Variants in ARHGEF26 observed in about 807,000 individuals in gnomAD.
ARHGEF26 encodes the protein Rho guanine nucleotide exchange factor 26.
In ARHGEF26, 59 loss-of-function variants were observed where a neutral mutation model predicts 89.4. That is an observed-to-expected ratio of 0.66 (90% confidence interval 0.54 to 0.82). ARHGEF26 has a LOEUF of 0.82. ARHGEF26 is among the 40% of genes least tolerant of loss of function. ARHGEF26 has a pLI of 0.00. For missense variants in ARHGEF26, 1,234 were observed against 1,085.6 expected, an observed-to-expected ratio of 1.14 and a Z score of -1.92; for synonymous variants, 500 against 428.4, an observed-to-expected ratio of 1.17 and a Z score of -2.06.
intron 11 of ARHGEF26, among the ~76,000 whole-genome samples, chr3:154,236,551 C>T (rs1717138121): frequency 6.6e-6 from 1 of 152,174 alleles, no homozygotes; most frequent in South Asian, 2.1e-4. Flanking sequence ...CTATATAAAC[C>T]ATATGTTTGT....
chr3:154,217,959 GTATTC>G lies in ARHGEF26; in HGVS notation c.1935+3_1935+7del. On this transcript the variant is annotated splice_donor_variant and splice_donor_5th_base_variant and intron_variant, in intron 10 of 14. Transcript: ENST00000465093. LOFTEE classifies it high-confidence loss of function. The stretch of plus-strand genomic sequence containing the variant: ...CTCCCAGCTGGAATTTAAAATTAAG[GTATTC>G]TCGTACCTTGTTCATTACTGTTCTT... 6.3e-7 allele frequency: 1 copy of G among 1,576,372 alleles called. No individual in the cohort carries two copies. The highest frequency in any genetic ancestry group is 8.6e-7 in the Non-Finnish European group (1 of 1,159,442).
At chr3:154,168,319 A>G (rs192337836) in intron 6 of ARHGEF26, among the ~76,000 whole-genome samples, 222 of 152,236 alleles carry the variant, frequency 1.5e-3, no homozygotes, top group Non-Finnish European at 2.2e-3. Flanking sequence ...GCTCACGTCT[A>G]TAATCCCAGC....
At chr3:154,240,737 G>A (rs1358262392) in intron 12 of ARHGEF26, among the ~76,000 whole-genome samples, 158 bp downstream of exon 12, 1 of 152,168 alleles carries the variant, frequency 6.6e-6, no homozygotes, top group Non-Finnish European at 1.5e-5. Context: ...TTTTACAGAT[G>A]TTGTTCTTTT....
In ARHGEF26 at chr3:154,122,196, G is replaced by T; in HGVS notation, c.204G>T (p.Val68=). The T allele has an allele frequency of 6.2e-7, 1 of 1,602,304 alleles. No individual in the cohort carries two copies. The highest frequency in any genetic ancestry group is 8.5e-7 in the Non-Finnish European group (1 of 1,174,764). Reference sequence around the variant, plus strand: ...TCGCAGCGCAGATTCCCGCCCAGGTGCCCACCGCCTCGGACAGCAGGACGG... The same window carrying T: ...TCGCAGCGCAGATTCCCGCCCAGGTTCCCACCGCCTCGGACAGCAGGACGG... ...TLLAAQIPAQ[V]PTASDSRTVH... Residue 68 remains valine (V), a synonymous_variant, in exon 2 of 15, where the codon GTG becomes GTT. Transcript: ENST00000465093.
chr3:154,240,540 C>A lies in ARHGEF26; in HGVS notation c.2261C>A (p.Ala754Glu). Residue 754 changes from alanine (A) to glutamate (E), a missense_variant, in exon 12 of 15, where the codon GCG becomes GAG. Ala to Glu is a moderately radical substitution (Grantham distance 107). Coordinates refer to ENST00000465093, the MANE Select transcript of ARHGEF26 (RefSeq NM_015595.4). ...ACTCTGACAGTCCTTAGTAACCACG[C>A]GAATGAGAAAGTGGAGATGCTACTA... ...LFTLTVLSNH[A>E]NEKVEMLLGA... is the part of the protein sequence containing the mutation. 6.2e-7 allele frequency: 1 copy of A among 1,612,564 alleles called. No homozygotes were observed. Among genetic ancestry groups the A allele is most frequent in the Non-Finnish European group, 8.5e-7 (1 of 1,179,234 alleles).
intron 11 of ARHGEF26, among the ~76,000 whole-genome samples, chr3:154,231,515 C>G (rs1716821049): frequency 6.6e-6 from 1 of 152,168 alleles, no homozygotes; most frequent in Non-Finnish European, 1.5e-5. Context: ...ACATAAAGCT[C>G]TTACTACAGT....
intron 9 of ARHGEF26, among the ~76,000 whole-genome samples, chr3:154,202,115 T>C (rs1191639306): frequency 6.6e-6 from 1 of 152,202 alleles, no homozygotes; most frequent in Non-Finnish European, 1.5e-5. Flanking sequence ...CTAGGTTTTC[T>C]TCTAGAGTTT....
At chr3:154,188,041 T>C (rs1031764630) in intron 7 of ARHGEF26, among the ~76,000 whole-genome samples, 1 of 152,132 alleles carries the variant, frequency 6.6e-6, no homozygotes, top group Non-Finnish European at 1.5e-5. Context: ...TTTTCTCTCT[T>C]ACGAAATTAT....
At chr3:154,222,764 A>C (rs1302130706) in intron 10 of ARHGEF26, among the ~76,000 whole-genome samples, 1 of 152,168 alleles carries the variant, frequency 6.6e-6, no homozygotes, top group Non-Finnish European at 1.5e-5. Flanking sequence ...TAGAGGATTC[A>C]CAAAGTCAAG....
At chr3:154,126,086 G>A (rs1471609838) in intron 3 of ARHGEF26, among the ~76,000 whole-genome samples, 2 of 152,142 alleles carry the variant, frequency 1.3e-5, no homozygotes, top group African/African-American at 4.8e-5. Flanking sequence ...TATATACTTT[G>A]TGCCAACTAC....
chr3:154,225,525 T>G (rs571027977), intron 10 of ARHGEF26, among the ~76,000 whole-genome samples: 2 of 152,306 alleles, frequency 1.3e-5, no homozygotes, highest in South Asian at 4.1e-4. Flanking sequence ...GGCTTTTCAA[T>G]TGTAAATAAC....
chr3:154,211,981 G>C (rs1315769472), intron 9 of ARHGEF26, among the ~76,000 whole-genome samples: 1 of 152,044 alleles, frequency 6.6e-6, no homozygotes, highest in Non-Finnish European at 1.5e-5. Flanking sequence ...TGGAAGGGAG[G>C]AAGTAATAAG....
intron 12 of ARHGEF26, among the ~76,000 whole-genome samples, chr3:154,252,699 A>T (rs994192565): frequency 6.6e-5 from 10 of 152,172 alleles, no homozygotes; most frequent in Non-Finnish European, 1.5e-4. Context: ...GAAAGGTTTG[A>T]GTGTGTGGGA....
At chr3:154,168,856 A>G (rs943096966) in intron 6 of ARHGEF26, among the ~76,000 whole-genome samples, 3 of 152,016 alleles carry the variant, frequency 2.0e-5, no homozygotes, top group Admixed American at 6.6e-5. Context: ...TTTAAATTTA[A>G]GCTCCTGAAA....
At chr3:154,220,734 T>A (rs1481542947) in intron 10 of ARHGEF26, among the ~76,000 whole-genome samples, 1 of 152,022 alleles carries the variant, frequency 6.6e-6, no homozygotes, top group East Asian at 1.9e-4. Context: ...GTGTGTTTAG[T>A]AAAGACAACT....
In ARHGEF26 at chr3:154,202,049, T is replaced by C. The variant is rs888470056; in HGVS notation, c.1845+7331T>C. On this transcript the variant is annotated intron_variant, in intron 9 of 14. Coordinates refer to ENST00000465093, the MANE Select transcript of ARHGEF26 (RefSeq NM_015595.4). ...CAATTTTGGCTTTTGTTGCCATTTGTTTTGGTGTTTTAGACATGAAGTCCT... is the reference window on the plus strand; with the variant it reads ...CAATTTTGGCTTTTGTTGCCATTTGCTTTGGTGTTTTAGACATGAAGTCCT... Among the ~76,000 whole-genome samples, 6 of 152,304 alleles carry C rather than the reference T, an allele frequency of 3.9e-5. No individual in the cohort carries two copies. The East Asian group carries it at 5.8e-4, about 15-fold the overall frequency.
In ARHGEF26 at chr3:154,122,904, C is replaced by T. The variant is rs891292575; in HGVS notation, c.912C>T (p.Ser304=). ...EESEVDNDVD[S]PGSLRRGLRS... is the part of the protein sequence containing the mutation. ...GTGAGGTCGATAACGACGTGGATAGCCCAGGGTCTCTGCGGAGAGGCTTGC... is the reference window on the plus strand; with the variant it reads ...GTGAGGTCGATAACGACGTGGATAGTCCAGGGTCTCTGCGGAGAGGCTTGC... Residue 304 remains serine (S), a synonymous_variant, in exon 2 of 15, where the codon AGC becomes AGT. Transcript: ENST00000465093. 1.9e-6 allele frequency: 3 copies of T among 1,613,116 alleles called. No individual in the cohort carries two copies. The African/African-American group carries it at 4.0e-5, about 22-fold the overall frequency.
intron 6 of ARHGEF26, among the ~76,000 whole-genome samples, chr3:154,181,728 T>C (rs1343010511): frequency 6.6e-6 from 1 of 152,130 alleles, no homozygotes; most frequent in East Asian, 1.9e-4. Context: ...TTGTAAAGAC[T>C]TGTGCTGGGA....
intron 8 of ARHGEF26, among the ~76,000 whole-genome samples, chr3:154,191,814 T>C (rs919028787): frequency 6.6e-5 from 10 of 152,198 alleles, no homozygotes; most frequent in Non-Finnish European, 1.3e-4. Flanking sequence ...TCATCTATAA[T>C]GTTCCAAGGT....
Sources: gnomAD v4.1 joint callset for allele counts (sites outside exome capture counted in the v4.1 genomes callset) on GRCh38, gnomAD v4.1.1 for gene constraint, MANE v1.5 for transcripts, NCBI Gene and HGNC (gene_info 2026-07-23, HGNC 2026-07-21) for gene names.